DENND1A: variants seen among roughly 807,000 people sequenced by gnomAD.
DENND1A encodes the protein DENN domain containing 1A, also known as DENN domain-containing protein 1A.
A neutral mutation model predicts 113.7 loss-of-function variants in DENND1A; 51 were observed. That is an observed-to-expected ratio of 0.45 (90% CI 0.36 to 0.57). The LOEUF (loss-of-function observed/expected upper bound fraction) is 0.57. Among genes scored for constraint, DENND1A ranks in the 20% least tolerant of loss-of-function variants. DENND1A has a pLI of 0.00. For synonymous variants in DENND1A, 565 were observed against 570.8 expected (o/e 0.99, Z 0.14); for missense variants, 1,258 against 1,395.9 (o/e 0.90, Z 1.57).
chr9:123,779,154 G>A (rs963591474), intron 3 of DENND1A, among the ~76,000 whole-genome samples: 1 of 151,930 alleles, frequency 6.6e-6, no homozygotes, highest in African/African-American at 2.4e-5. Flanking sequence ...TCAATTTGGG[G>A]TTTGTTTGGC....
intron 9 of DENND1A, among the ~76,000 whole-genome samples, chr9:123,640,330 CAG>C (rs2061960618): frequency 6.6e-6 from 1 of 152,176 alleles, no homozygotes; most frequent in Admixed American, 6.5e-5. Context: ...AGGTTGAAGA[CAG>C]AGAAGCTGCT....
At chr9:123,469,618 G>A (rs1257695106) in intron 13 of DENND1A, among the ~76,000 whole-genome samples, 1 of 152,220 alleles carries the variant, frequency 6.6e-6, no homozygotes, top group Non-Finnish European at 1.5e-5. Context: ...AATGAAGGTG[G>A]TATTCATGCA....
chr9:123,499,725 T>C (rs2052298505), intron 13 of DENND1A, among the ~76,000 whole-genome samples: 1 of 152,246 alleles, frequency 6.6e-6, no homozygotes, highest in South Asian at 2.1e-4. Context: ...GGTGTTGATG[T>C]TGGAAATTCA....
At chr9:123,826,188 T>C (rs776789951) in intron 2 of DENND1A, among the ~76,000 whole-genome samples, 12 of 152,122 alleles carry the variant, frequency 7.9e-5, no homozygotes, top group Non-Finnish European at 1.6e-4. Flanking sequence ...AACTATGGAC[T>C]CTAAAAATTA....
chr9:123,798,014 T>TA (rs954946292), intron 2 of DENND1A, among the ~76,000 whole-genome samples: 8 of 152,212 alleles, frequency 5.3e-5, no homozygotes, highest in Admixed American at 1.3e-4. Flanking sequence ...ATTTGTTATT[T>TA]AAAAAAAATC....
chr9:123,916,229 A>G (rs987380457), intron 1 of DENND1A, among the ~76,000 whole-genome samples: 2 of 152,096 alleles, frequency 1.3e-5, no homozygotes, highest in Non-Finnish European at 2.9e-5. Flanking sequence ...AGAGCCCCAC[A>G]TTCCCTGTAT....
intron 9 of DENND1A, among the ~76,000 whole-genome samples, chr9:123,632,741 TTAGA>T (rs753288772): frequency 9.2e-5 from 14 of 152,166 alleles, no homozygotes; most frequent in South Asian, 4.2e-4. Flanking sequence ...AATACATCAC[TTAGA>T]TAGAGTCATG....
At chr9:123,727,834 T>C (rs10441754) in intron 5 of DENND1A, among the ~76,000 whole-genome samples, 64,219 of 151,484 alleles carry the variant, frequency 0.42, 16,844 homozygotes, top group African/African-American at 0.75. Flanking sequence ...AGGCCAGGCG[T>C]GGTGGCTCAT....
At chr9:123,389,000 C>T (rs1179533853) in intron 21 of DENND1A, among the ~76,000 whole-genome samples, 1 of 152,240 alleles carries the variant, frequency 6.6e-6, no homozygotes, top group Non-Finnish European at 1.5e-5. Flanking sequence ...CCTCTCCCCT[C>T]ACCCCCCAGC....
intron 21 of DENND1A, among the ~76,000 whole-genome samples, chr9:123,393,868 T>G (rs1314290691): frequency 6.6e-6 from 1 of 152,076 alleles, no homozygotes; most frequent in Non-Finnish European, 1.5e-5. Flanking sequence ...GAGAGATGGG[T>G]GAGTGTGAGA....
At chr9:123,500,303 C>A (rs1212352082) in intron 13 of DENND1A, among the ~76,000 whole-genome samples, 1 of 152,142 alleles carries the variant, frequency 6.6e-6, no homozygotes. Context: ...CATAGGCCAC[C>A]ACGTCTCAGG....
Position 123,381,963 on chromosome 9 carries a change from G to A in DENND1A, c.2682C>T (p.Pro894=). The A allele has an allele frequency of 1.4e-6, 2 of 1,473,874 alleles. No individual in the cohort carries two copies. Among genetic ancestry groups the A allele is most frequent in the East Asian group, 2.3e-5 (1 of 42,648 alleles). The allele number at this position is 1,473,874 out of a possible 1,614,324, so 91.3% of individuals were successfully genotyped here. A position where few individuals can be genotyped will look rare whatever the true frequency, so the allele number is the denominator to read the frequency against. Reference sequence around the variant, plus strand: ...GGGCTGCTGGCATGGATGGGACAAAGGGGTTGAGTGGTGGCTGTGGGAATG... The same window carrying A: ...GGGCTGCTGGCATGGATGGGACAAAAGGGTTGAGTGGTGGCTGTGGGAATG... The part of the protein sequence containing the change: ...PTPFPQPPLN[P]FVPSMPAAPP... Residue 894 remains proline (P), a synonymous_variant, in exon 24 of 24, where the codon CCC becomes CCT. Coordinates refer to ENST00000394215, the MANE Select transcript of DENND1A (RefSeq NM_001352964.2). This position sits in a 1 kb window ranked among gnomAD's most constrained non-coding sequence, Gnocchi z 4.7.
chr9:123,649,549 C>T (rs916388529), intron 9 of DENND1A, among the ~76,000 whole-genome samples: 3 of 151,976 alleles, frequency 2.0e-5, no homozygotes, highest in African/African-American at 7.3e-5. Context: ...CTTGTAAAAC[C>T]CCCTGGGATG....
At chr9:123,493,629 T>C (rs11999176) in intron 13 of DENND1A, among the ~76,000 whole-genome samples, 7,857 of 152,122 alleles carry the variant, frequency 0.052, 658 homozygotes, top group African/African-American at 0.18. Context: ...TCCAGTGTGG[T>C]GAAGAATCTC....
intron 2 of DENND1A, among the ~76,000 whole-genome samples, chr9:123,834,417 A>C (rs537082610): frequency 6.6e-6 from 1 of 152,326 alleles, no homozygotes; most frequent in Admixed American, 6.5e-5. Context: ...GCTTAGAGAC[A>C]TCAAATAATT....
chr9:123,437,944 A>C (rs1273846793), intron 19 of DENND1A: 1 of 152,232 alleles, frequency 6.6e-6, no homozygotes, highest in Non-Finnish European at 1.5e-5. Context: ...AACTGGGACT[A>C]GTATATCAAG....
At chr9:123,429,827 A>G (rs572157988) in intron 19 of DENND1A, among the ~76,000 whole-genome samples, 4 of 152,384 alleles carry the variant, frequency 2.6e-5, no homozygotes, top group South Asian at 2.1e-4. Context: ...AATGTGCAAC[A>G]AAAGCAAAAA....
At chr9:123,490,113 G>A (rs997658293) in intron 13 of DENND1A, among the ~76,000 whole-genome samples, 5 of 152,186 alleles carry the variant, frequency 3.3e-5, no homozygotes, top group African/African-American at 7.2e-5. Flanking sequence ...GTTAAGGCCG[G>A]CCTGTTTTGA....
chr9:123,700,689 G>A lies in DENND1A; in HGVS notation c.303-23900C>T, dbSNP rs2065832612. On this transcript the variant is annotated intron_variant, in intron 5 of 23. Coordinates refer to ENST00000394215, the MANE Select transcript of DENND1A (RefSeq NM_001352964.2). Reference sequence around the variant, plus strand: ...GTGATCTCCTTTACTAAAAGTCAATGATTATAAATGTTAGTTAGATTTAAA... The same window carrying A: ...GTGATCTCCTTTACTAAAAGTCAATAATTATAAATGTTAGTTAGATTTAAA... 2.6e-5 allele frequency among the ~76,000 whole-genome samples: 4 copies of A among 152,114 alleles called. No individual in the cohort carries two copies. The South Asian group carries it at 8.3e-4, about 32-fold the overall frequency.
Sources: gnomAD v4.1 joint callset for allele counts (sites outside exome capture counted in the v4.1 genomes callset) on GRCh38, gnomAD v4.1.1 for gene constraint, Gnocchi (gnomAD v3.1) non-coding constraint, MANE v1.5 for transcripts, NCBI Gene and HGNC (gene_info 2026-07-23, HGNC 2026-07-21) for gene names.